The following DLGAP1 variants were observed in gnomAD, a reference collection of about 807,000 sequenced individuals.
The protein encoded by DLGAP1 is DLG associated protein 1.
A neutral mutation model predicts 90.8 loss-of-function variants in DLGAP1; 11 were observed. The observed-to-expected ratio is 0.12, with a 90% CI of 0.08 to 0.20. DLGAP1 has a LOEUF of 0.20. Ranked by LOEUF, DLGAP1 falls within the 10% of genes least tolerant of loss-of-function variation. The pLI, the probability that DLGAP1 is intolerant of heterozygous loss-of-function variation, is 1.00. For missense variants in DLGAP1, 1,050 were observed against 1,333.8 expected, an observed-to-expected ratio of 0.79 and a Z score of 3.31; for synonymous variants, 558 against 540.7, an observed-to-expected ratio of 1.03 and a Z score of -0.44.
intron 1 of DLGAP1, among the ~76,000 whole-genome samples, chr18:4,359,855 C>T (rs1348112464): frequency 6.6e-6 from 1 of 152,110 alleles, no homozygotes; most frequent in African/African-American, 2.4e-5. Flanking sequence ...ATCTTGATTC[C>T]ATATAGTCTG....
chr18:3,629,763 G>T (rs1176818918), intron 7 of DLGAP1, among the ~76,000 whole-genome samples: 2 of 152,076 alleles, frequency 1.3e-5, no homozygotes, highest in Non-Finnish European at 2.9e-5. Flanking sequence ...ATCTCACTGT[G>T]GATTTAATTT....
At chr18:4,090,993 C>T (rs144482604) in intron 2 of DLGAP1, among the ~76,000 whole-genome samples, 25 of 152,278 alleles carry the variant, frequency 1.6e-4, no homozygotes, top group African/African-American at 5.8e-4. Flanking sequence ...AACACAAGAA[C>T]AGAAAAGCAA....
At chr18:3,669,177 CCAGATGTTTT>C (rs1489201680) in intron 7 of DLGAP1, among the ~76,000 whole-genome samples, 1 of 145,422 alleles carries the variant, frequency 6.9e-6, no homozygotes, top group Non-Finnish European at 1.5e-5. Flanking sequence ...TCCAGACCTT[CCAGATGTTTT>C]TCTTATTTTG....
intron 1 of DLGAP1, among the ~76,000 whole-genome samples, chr18:4,395,027 C>T (rs2082411610): frequency 6.6e-6 from 1 of 152,154 alleles, no homozygotes; most frequent in African/African-American, 2.4e-5. Flanking sequence ...ACAAAGGAAA[C>T]AAGTAACAGT....
intron 3 of DLGAP1, among the ~76,000 whole-genome samples, chr18:3,881,993 G>A (rs369136087): frequency 6.6e-6 from 1 of 152,178 alleles, no homozygotes; most frequent in South Asian, 2.1e-4. Flanking sequence ...TCTGTCTTCT[G>A]TTGCATGTTT....
intron 1 of DLGAP1, among the ~76,000 whole-genome samples, chr18:4,262,832 T>C (rs2079029410): frequency 6.6e-6 from 1 of 152,178 alleles, no homozygotes; most frequent in South Asian, 2.1e-4. Context: ...GTCATAGAAT[T>C]GAGAGAGGAG....
chr18:3,514,210 G>A (rs2050699510), intron 10 of DLGAP1, among the ~76,000 whole-genome samples: 2 of 151,552 alleles, frequency 1.3e-5, no homozygotes, highest in South Asian at 2.1e-4. Context: ...GAGTTCAAGT[G>A]ATTCTCCTGC....
At chr18:4,003,469 TTA>T in intron 3 of DLGAP1, among the ~76,000 whole-genome samples, 1 of 145,120 alleles carries the variant, frequency 6.9e-6, no homozygotes, top group Middle Eastern at 3.7e-3. Context: ...GTTAACAGAT[TTA>T]TCTTGAAAGC....
At chr18:4,254,564 A>T (rs1046563655) in intron 1 of DLGAP1, among the ~76,000 whole-genome samples, 1 of 152,184 alleles carries the variant, frequency 6.6e-6, no homozygotes. Context: ...TGCATTTGGG[A>T]GCACTACCCA....
At chr18:3,580,817 G>A (rs1408548406) in intron 8 of DLGAP1, 11 of 1,521,982 alleles carry the variant, frequency 7.2e-6, no homozygotes, top group Middle Eastern at 3.7e-4. Flanking sequence ...TCCACCTGCC[G>A]TGCGGACCGT....
chr18:3,610,873 CTGTA>C (rs1288942991), intron 7 of DLGAP1, among the ~76,000 whole-genome samples: 1 of 125,770 alleles, frequency 8.0e-6, no homozygotes, highest in Non-Finnish European at 1.7e-5. Context: ...AAAGTATTAA[CTGTA>C]TGGTCTTTTT....
chr18:3,993,998 T>C (rs544656159), intron 3 of DLGAP1, among the ~76,000 whole-genome samples: 1 of 152,126 alleles, frequency 6.6e-6, no homozygotes. Context: ...GGTAAGAATG[T>C]GGTGAGTGAA....
At chr18:3,592,843 C>CAAAAAAAAAAAAAAAAAAAA (rs56871583) in intron 7 of DLGAP1, among the ~76,000 whole-genome samples, 1 of 42,580 alleles carries the variant, frequency 2.3e-5, no homozygotes, top group Non-Finnish European at 4.9e-5. Flanking sequence ...GACCCTGCCT[C>CAAAAAAAAAAAAAAAAAAAA]AAAAAAAAAA....
At chr18:4,016,601 G>A (rs955720930) in intron 2 of DLGAP1, among the ~76,000 whole-genome samples, 3 of 152,172 alleles carry the variant, frequency 2.0e-5, no homozygotes, top group Admixed American at 6.5e-5. Context: ...AGGCCCAGGA[G>A]GCTCTATTGC....
intron 1 of DLGAP1, among the ~76,000 whole-genome samples, chr18:4,247,751 C>T (rs899963507): frequency 6.6e-6 from 1 of 151,988 alleles, no homozygotes; most frequent in East Asian, 1.9e-4. Context: ...CACTCCAGCC[C>T]GGGTGACAGA....
In DLGAP1 at chr18:4,074,957, T is replaced by C. The variant is rs997335365; in HGVS notation, c.-158-69756A>G. Among the ~76,000 whole-genome samples, 7 of 152,316 alleles carry C rather than the reference T, an allele frequency of 4.6e-5. No individual in the cohort carries two copies. The South Asian group carries it at 6.2e-4, about 14-fold the overall frequency. ...TCAGAATATTAAAACTTCCAGATTC[T>C]AGTAAAGAAACTTTGTTTCTTGCTT... On this transcript the variant is annotated intron_variant, in intron 2 of 12. Transcript: ENST00000315677.
At chr18:4,158,802 G>A (rs755597810) in intron 1 of DLGAP1, among the ~76,000 whole-genome samples, 1 of 152,138 alleles carries the variant, frequency 6.6e-6, no homozygotes, top group African/African-American at 2.4e-5. Context: ...AGAAAAGTCA[G>A]TGATAAAAGA....
Position 3,970,484 on chromosome 18 carries a change from G to A in DLGAP1, c.-73+34632C>T, listed in dbSNP as rs565320900. 1.6e-4 allele frequency among the ~76,000 whole-genome samples: 25 copies of A among 152,242 alleles called. No homozygotes were observed. In the East Asian group the frequency reaches 4.2e-3, roughly 26 times the overall value. The stretch of plus-strand genomic sequence containing the variant: ...TTAACTCAAATACACTGTCAAAAGC[G>A]ATTTTACAACAAATGTGAGTGCTAC... On this transcript the variant is annotated intron_variant, in intron 3 of 12. Transcript: ENST00000315677.
intron 9 of DLGAP1, among the ~76,000 whole-genome samples, chr18:3,561,266 C>CAAAAAAAAAAA (rs71159092): frequency 1.8e-5 from 2 of 110,466 alleles, no homozygotes; most frequent in African/African-American, 3.4e-5. Context: ...AAAAAAAAAA[C>CAAAAAAAAAAA]AAAAAAAAAA....
Sources: gnomAD v4.1 joint callset for allele counts (sites outside exome capture counted in the v4.1 genomes callset) on GRCh38, gnomAD v4.1.1 for gene constraint, MANE v1.5 for transcripts, NCBI Gene and HGNC (gene_info 2026-07-23, HGNC 2026-07-21) for gene names.